CAMTA1: variants seen among roughly 807,000 people sequenced by gnomAD.
CAMTA1 encodes the protein calmodulin binding transcription activator 1.
Under a neutral mutation model 170.9 loss-of-function variants are expected in CAMTA1, and 27 were observed. That is an observed-to-expected ratio of 0.16 (90% CI 0.12 to 0.22). The LOEUF is 0.22. CAMTA1 is among the 10% of genes least tolerant of loss of function. CAMTA1 has a pLI of 1.00. For synonymous variants in CAMTA1, 833 were observed against 891.5 expected (o/e 0.93, Z 1.17); for missense variants, 1,619 against 2,217.2 (o/e 0.73, Z 5.42).
intron 6 of CAMTA1, among the ~76,000 whole-genome samples, chr1:7,560,107 G>A (rs1286811555): frequency 2.0e-5 from 3 of 152,194 alleles, no homozygotes; most frequent in Non-Finnish European, 4.4e-5. Context: ...CTCAGGAGGG[G>A]GATTCTTCTC....
intron 1 of CAMTA1, among the ~76,000 whole-genome samples, chr1:6,786,082 C>T (rs1204467253): frequency 1.3e-5 from 2 of 151,794 alleles, no homozygotes; most frequent in Non-Finnish European, 2.9e-5. Flanking sequence ...CAGCCCTCGC[C>T]GGCCCCCTGC....
At chr1:7,281,107 A>G (rs1031888417) in intron 5 of CAMTA1, among the ~76,000 whole-genome samples, 3 of 152,204 alleles carry the variant, frequency 2.0e-5, no homozygotes, top group Non-Finnish European at 4.4e-5. Context: ...TCACCCAACC[A>G]GCCACTTTAC....
At chr1:6,815,453 C>G (rs896320010) in intron 1 of CAMTA1, among the ~76,000 whole-genome samples, 5 of 152,188 alleles carry the variant, frequency 3.3e-5, no homozygotes, top group Admixed American at 1.3e-4. Context: ...GTCCTCTCGC[C>G]TTGGCCTTCC....
intron 6 of CAMTA1, among the ~76,000 whole-genome samples, chr1:7,488,598 G>A (rs2093652607): frequency 6.6e-6 from 1 of 152,060 alleles, no homozygotes; most frequent in Admixed American, 6.5e-5. Flanking sequence ...ACACATACAT[G>A]CATGATACAT....
chr1:7,421,887 G>A (rs938802684), intron 5 of CAMTA1, among the ~76,000 whole-genome samples: 10 of 151,980 alleles, frequency 6.6e-5, no homozygotes, highest in South Asian at 2.1e-4. Flanking sequence ...ACTCCACACT[G>A]GAAGCCTCCC....
At chr1:7,654,551 C>T (rs1273345079) in intron 7 of CAMTA1, among the ~76,000 whole-genome samples, 6 of 150,870 alleles carry the variant, frequency 4.0e-5, no homozygotes, top group African/African-American at 1.5e-4. Flanking sequence ...TATACACACA[C>T]CGGCACACAC....
intron 3 of CAMTA1, among the ~76,000 whole-genome samples, chr1:6,998,202 C>T (rs922672221): frequency 2.6e-5 from 4 of 151,950 alleles, no homozygotes; most frequent in African/African-American, 7.3e-5. Flanking sequence ...CTCAGCCTCC[C>T]GAGTAGCTGG....
At chr1:7,344,970 C>G (rs1016826726) in intron 5 of CAMTA1, among the ~76,000 whole-genome samples, 6 of 152,070 alleles carry the variant, frequency 3.9e-5, no homozygotes, top group African/African-American at 1.4e-4. Context: ...CCAGGATGGT[C>G]TCCATCTCCT....
chr1:7,281,543 AAATG>A (rs1193361051), intron 5 of CAMTA1, among the ~76,000 whole-genome samples: 2 of 152,246 alleles, frequency 1.3e-5, no homozygotes, highest in African/African-American at 4.8e-5. Context: ...GCATGTTCTT[AAATG>A]AAAGAATTAA....
chr1:7,551,640 G>A (rs1444123385), intron 6 of CAMTA1, among the ~76,000 whole-genome samples: 1 of 152,166 alleles, frequency 6.6e-6, no homozygotes, highest in Non-Finnish European at 1.5e-5. Flanking sequence ...AATGCAACCC[G>A]ACTCCCCTGT....
intron 5 of CAMTA1, among the ~76,000 whole-genome samples, chr1:7,358,650 G>A (rs187050489): frequency 2.6e-4 from 40 of 152,294 alleles, no homozygotes; most frequent in African/African-American, 8.2e-4. Context: ...TAAATCTGAG[G>A]TGCTGAATAT....
intron 3 of CAMTA1, among the ~76,000 whole-genome samples, chr1:6,886,076 G>A (rs1192299757): frequency 6.6e-6 from 1 of 152,142 alleles, no homozygotes; most frequent in South Asian, 2.1e-4. Flanking sequence ...CAAGGGTGCT[G>A]GTCCTCCCTT....
At chr1:7,389,017 A>G (rs939608377) in intron 5 of CAMTA1, among the ~76,000 whole-genome samples, 23 of 152,294 alleles carry the variant, frequency 1.5e-4, no homozygotes, top group African/African-American at 5.5e-4. Context: ...AGAGCCTCCC[A>G]GCACTGAGTA....
In CAMTA1 at chr1:7,064,744, G is replaced by C. The variant is rs1708744907; in HGVS notation, c.235-26560G>C. On this transcript the variant is annotated intron_variant, in intron 3 of 22. Coordinates refer to ENST00000303635, the MANE Select transcript of CAMTA1 (RefSeq NM_015215.4). The surrounding 1 kb of genome is among the most constrained non-coding windows in gnomAD (Gnocchi z 5.4). ...GCAGAGCATGCTGGTACTGGAGGGT[G>C]GGGGAGGTGGCAGGAGTCCCATTCG... Among the ~76,000 whole-genome samples the C allele has an allele frequency of 6.6e-6, 1 of 152,104 alleles. No individual in the cohort carries two copies. Among genetic ancestry groups the C allele is most frequent in the Admixed American group, 6.5e-5 (1 of 15,268 alleles).
intron 5 of CAMTA1, chr1:7,389,458 G>C (rs112030673): frequency 2.0e-5 from 3 of 152,360 alleles, no homozygotes; most frequent in African/African-American, 4.8e-5. Context: ...TGGCAAAAAA[G>C]AATGGAGTGG....
intron 5 of CAMTA1, among the ~76,000 whole-genome samples, chr1:7,429,306 T>A (rs1328106796): frequency 2.0e-5 from 3 of 152,218 alleles, no homozygotes; most frequent in African/African-American, 7.2e-5. Flanking sequence ...ATATTTTAAG[T>A]GTTCAACACA....
At chr1:7,416,925 A>G (rs1163370418) in intron 5 of CAMTA1, among the ~76,000 whole-genome samples, 1 of 152,176 alleles carries the variant, frequency 6.6e-6, no homozygotes, top group African/African-American at 2.4e-5. Flanking sequence ...GGTGATGTAC[A>G]GATGGGTTTT....
chr1:7,334,626 C>T (rs1405130187), intron 5 of CAMTA1, among the ~76,000 whole-genome samples: 1 of 152,304 alleles, frequency 6.6e-6, no homozygotes, highest in East Asian at 1.9e-4. Flanking sequence ...TCTTGTTCCT[C>T]CCCTGACATT....
intron 5 of CAMTA1, among the ~76,000 whole-genome samples, chr1:7,257,080 G>GT (rs760136641): frequency 4.6e-5 from 7 of 150,678 alleles, no homozygotes; most frequent in Non-Finnish European, 8.8e-5. Flanking sequence ...GCATGGCGGG[G>GT]GCGGGGGTTG....
Sources: allele counts gnomAD v4.1 joint callset (sites outside exome capture counted in the v4.1 genomes callset), GRCh38; gene constraint gnomAD v4.1.1; non-coding constraint Gnocchi (gnomAD v3.1); transcripts MANE v1.5; gene names NCBI Gene and HGNC (gene_info 2026-07-23, HGNC 2026-07-21).